The following PDE1C variants were observed in gnomAD, a reference collection of about 807,000 sequenced individuals.
PDE1C encodes phosphodiesterase 1C.
A neutral mutation model predicts 93.1 loss-of-function variants in PDE1C; 62 were observed. The observed-to-expected ratio is 0.67, with a 90% CI of 0.54 to 0.82. PDE1C has a LOEUF of 0.82. Ranked by LOEUF, PDE1C falls within the 40% of genes least tolerant of loss-of-function variation. The pLI, the probability that PDE1C is intolerant of heterozygous loss-of-function variation, is 0.00. For synonymous variants in PDE1C, 325 were observed against 310.1 expected (o/e 1.05, Z -0.50); for missense variants, 742 against 884.6 (o/e 0.84, Z 2.04).
At chr7:31,638,861 C>A in the PDE1C span, among the ~76,000 whole-genome samples, 1 of 152,156 alleles carries the variant, frequency 6.6e-6, no homozygotes, top group African/African-American at 2.4e-5. Flanking sequence ...ACTACAACCT[C>A]CACCTCCCAG....
chr7:32,099,373 A>G (rs917343979), intron 3 of PDE1C, among the ~76,000 whole-genome samples: 5 of 152,358 alleles, frequency 3.3e-5, no homozygotes, highest in East Asian at 1.9e-4. Flanking sequence ...AGAATTTCCA[A>G]TACATAACTG....
rs1299476794 is a variant in PDE1C, at chr7:32,359,467, G to A, written c.310+68355C>T. ...CATCATCTATCTTTCCCACTAAATT[G>A]TAAATCCTGAAGGCAGGAGACTTTG... On this transcript the variant is annotated intron_variant, in intron 1 of 1. Transcript: ENST00000672256. Among the ~76,000 whole-genome samples the A allele has an allele frequency of 2.6e-5, 4 of 152,108 alleles. No homozygotes were observed. In the South Asian group the frequency reaches 6.2e-4, roughly 24 times the overall value.
chr7:32,252,646 A>G (rs900557137), intron 1 of PDE1C, among the ~76,000 whole-genome samples: 6 of 152,152 alleles, frequency 3.9e-5, no homozygotes, highest in Non-Finnish European at 7.3e-5. Flanking sequence ...AGCACAGAGG[A>G]GGGTGGGAGA....
At chr7:32,081,216 T>G (rs549660801) in intron 3 of PDE1C, among the ~76,000 whole-genome samples, 1 of 152,340 alleles carries the variant, frequency 6.6e-6, no homozygotes, top group East Asian at 1.9e-4. Context: ...CTTGGGAATT[T>G]TAATGAAAGC....
intron 4 of PDE1C, among the ~76,000 whole-genome samples, chr7:31,878,680 G>A (rs1796890207): frequency 6.6e-6 from 1 of 152,096 alleles, no homozygotes; most frequent in Admixed American, 6.5e-5. Flanking sequence ...TGTTTCAAAT[G>A]GAGACATCAT....
At chr7:32,023,776 G>T (rs1789036530) in intron 2 of PDE1C, among the ~76,000 whole-genome samples, 1 of 152,126 alleles carries the variant, frequency 6.6e-6, no homozygotes, top group Admixed American at 6.6e-5. Context: ...GAGGGGATGG[G>T]TGTGGCCATA....
chr7:31,702,327 G>A, the PDE1C span, among the ~76,000 whole-genome samples: 1 of 152,224 alleles, frequency 6.6e-6, no homozygotes, highest in East Asian at 1.9e-4. Context: ...TAGATAGGGT[G>A]GTGCAGAGCA....
At chr7:31,963,988 C>T (rs1002834374) in intron 2 of PDE1C, among the ~76,000 whole-genome samples, 4 of 152,116 alleles carry the variant, frequency 2.6e-5, no homozygotes, top group African/African-American at 9.7e-5. Flanking sequence ...GCAAGGTGGC[C>T]AAATAGGAAC....
At chr7:31,798,877 T>C (rs1414019716) in intron 16 of PDE1C, among the ~76,000 whole-genome samples, 3 of 151,604 alleles carry the variant, frequency 2.0e-5, no homozygotes, top group Non-Finnish European at 3.0e-5. Flanking sequence ...ACTAAGGTGA[T>C]AAAATGAAAC....
At chr7:31,665,000 C>T in the PDE1C span, among the ~76,000 whole-genome samples, 1 of 152,182 alleles carries the variant, frequency 6.6e-6, no homozygotes, top group Non-Finnish European at 1.5e-5. Flanking sequence ...ATCTCCACTC[C>T]TTACCAAAAT....
chr7:32,077,003 G>A (rs4990752), intron 3 of PDE1C, among the ~76,000 whole-genome samples: 10,809 of 151,508 alleles, frequency 0.071, 413 homozygotes, highest in African/African-American at 0.083. Flanking sequence ...TTTGGAGGCC[G>A]AGGCAGGCAG....
At chr7:32,109,351 A>G (rs190691818) in intron 3 of PDE1C, among the ~76,000 whole-genome samples, 5 of 152,314 alleles carry the variant, frequency 3.3e-5, no homozygotes, top group Admixed American at 3.3e-4. Flanking sequence ...TCACTGAGCA[A>G]GGGAAGAGAT....
At chr7:32,327,141 T>C (rs1585110475) in intron 1 of PDE1C, among the ~76,000 whole-genome samples, 2 of 152,338 alleles carry the variant, frequency 1.3e-5, no homozygotes, top group East Asian at 3.9e-4. Context: ...ACTGCCAAAA[T>C]CTGACAATTT....
chr7:31,857,860 A>C lies in PDE1C; in HGVS notation c.750+7082T>G, dbSNP rs77804002. On this transcript the variant is annotated intron_variant, in intron 7 of 17. Coordinates refer to ENST00000396191, the MANE Select transcript of PDE1C (RefSeq NM_001191057.4). Reference sequence around the variant, plus strand: ...GGAAGTTTTCAAAACGTGTAGGTACATTCATAAATATGTAAGTTTGCTAAG... The same window carrying C: ...GGAAGTTTTCAAAACGTGTAGGTACCTTCATAAATATGTAAGTTTGCTAAG... Among the ~76,000 whole-genome samples the C allele has an allele frequency of 2.8e-4, 42 of 152,362 alleles. No individual in the cohort carries two copies. The East Asian group carries it at 7.7e-3, about 28-fold the overall frequency.
At chr7:32,149,642 T>C (rs1801115786) in intron 3 of PDE1C, among the ~76,000 whole-genome samples, 1 of 152,178 alleles carries the variant, frequency 6.6e-6, no homozygotes, top group Non-Finnish European at 1.5e-5. Flanking sequence ...TGTTTAAACA[T>C]GGGAGAAATG....
the PDE1C span, among the ~76,000 whole-genome samples, chr7:31,705,226 T>C: frequency 6.6e-6 from 1 of 152,232 alleles, no homozygotes; most frequent in Admixed American, 6.5e-5. Flanking sequence ...AAGGAGCAGA[T>C]TCTCATATGA....
chr7:31,889,497 C>T (rs1798365181), intron 2 of PDE1C, among the ~76,000 whole-genome samples: 1 of 152,206 alleles, frequency 6.6e-6, no homozygotes, highest in Admixed American at 6.5e-5. Context: ...CAGTCAAGGG[C>T]ATCACTGCAT....
chr7:32,340,321 C>A (rs935385705), intron 1 of PDE1C, among the ~76,000 whole-genome samples: 3 of 151,952 alleles, frequency 2.0e-5, no homozygotes, highest in Non-Finnish European at 4.4e-5. Flanking sequence ...GCTGATGTTG[C>A]CCCCAAAGAA....
chr7:32,122,153 A>C (rs1484946533), intron 3 of PDE1C, among the ~76,000 whole-genome samples: 2 of 152,366 alleles, frequency 1.3e-5, no homozygotes, highest in African/African-American at 4.8e-5. Context: ...AAAGGGATCA[A>C]TTCAACAAGA....
Sources: allele counts gnomAD v4.1 joint callset (sites outside exome capture counted in the v4.1 genomes callset), GRCh38; gene constraint gnomAD v4.1.1; transcripts MANE v1.5; gene names NCBI Gene and HGNC (gene_info 2026-07-23, HGNC 2026-07-21).